The following KLHL29 variants were observed in gnomAD, a reference collection of about 807,000 sequenced individuals.
KLHL29 encodes the protein kelch-like protein 29.
In KLHL29, 21 loss-of-function variants were observed where a neutral mutation model predicts 80.4. The observed-to-expected ratio is 0.26, with a 90% CI of 0.19 to 0.38. KLHL29 has a LOEUF of 0.38. Ranked by LOEUF, KLHL29 falls within the 10% of genes least tolerant of loss-of-function variation. The probability of loss-of-function intolerance (pLI) is 1.00; values close to 1 mark genes in which losing one functional copy is unlikely to be tolerated. For missense variants in KLHL29, 867 were observed against 1,223.9 expected (o/e 0.71, Z 4.35); for synonymous variants, 511 against 526.8 (o/e 0.97, Z 0.41).
intron 2 of KLHL29, among the ~76,000 whole-genome samples, chr2:23,535,598 C>T (rs1398551100): frequency 6.6e-6 from 1 of 152,116 alleles, no homozygotes; most frequent in Non-Finnish European, 1.5e-5. Flanking sequence ...GTCATGGATA[C>T]CTACTACAAC....
At chr2:23,533,957 G>A (rs934371) in intron 2 of KLHL29, among the ~76,000 whole-genome samples, 85,907 of 149,862 alleles carry the variant, frequency 0.57, 24,771 homozygotes, top group Middle Eastern at 0.71. Flanking sequence ...TTAAAGAAAC[G>A]TGTGCGCTAT....
chr2:23,675,175 C>G (rs368913123), intron 5 of KLHL29, among the ~76,000 whole-genome samples: 1 of 152,324 alleles, frequency 6.6e-6, no homozygotes, highest in East Asian at 1.9e-4. Context: ...TTCCCATCAC[C>G]CCTCGGCCTC....
intron 1 of KLHL29, among the ~76,000 whole-genome samples, chr2:23,395,694 G>C (rs1666435503): frequency 6.6e-6 from 1 of 151,590 alleles, no homozygotes; most frequent in South Asian, 2.1e-4. Context: ...GCAGTGAGCT[G>C]AGATCGCAAC....
rs1263508705 is a variant in KLHL29, at chr2:23,562,506, C to T, written c.285+25C>T. 3 of 1,533,458 alleles carry T rather than the reference C, an allele frequency of 2.0e-6. No homozygotes were observed. The highest frequency in any genetic ancestry group is 1.2e-5 in the South Asian group (1 of 83,764). 95.0% of individuals were successfully genotyped at this position (1,533,458 alleles called of 1,614,324 possible). On this transcript the variant is annotated intron_variant, in intron 3 of 13. Coordinates refer to ENST00000486442, the MANE Select transcript of KLHL29 (RefSeq NM_052920.2). This position sits in a 1 kb window ranked among gnomAD's most constrained non-coding sequence, Gnocchi z 4.5. ...GGTAAGATGTGGTGTCATCTCTGAG[C>T]AGGAGCCGGACAGAGGGGCCCTGCC...
intron 2 of KLHL29, among the ~76,000 whole-genome samples, chr2:23,539,457 T>TTTTTTTTTTTG (rs1666773190): frequency 8.3e-6 from 1 of 119,984 alleles, no homozygotes; most frequent in African/African-American, 3.4e-5. Flanking sequence ...TTTTTTTTTT[T>TTTTTTTTTTTG]TGGAGACAGG....
intron 3 of KLHL29, among the ~76,000 whole-genome samples, chr2:23,633,373 C>T (rs1669518594): frequency 6.6e-6 from 1 of 152,160 alleles, no homozygotes; most frequent in Admixed American, 6.5e-5. Context: ...CAAAGAGATG[C>T]ATGTAACACT....
intron 1 of KLHL29, among the ~76,000 whole-genome samples, chr2:23,413,971 CT>C (rs1367040144): frequency 6.6e-6 from 1 of 152,234 alleles, no homozygotes; most frequent in Non-Finnish European, 1.5e-5. Flanking sequence ...GGAAAAGAGG[CT>C]GCTGTTCTCA....
At chr2:23,665,329 A>G (rs1043031464) in intron 5 of KLHL29, among the ~76,000 whole-genome samples, 5 of 152,166 alleles carry the variant, frequency 3.3e-5, no homozygotes, top group African/African-American at 1.2e-4. Context: ...ATGCTTGAAA[A>G]GTTGCTGTCA....
Position 23,447,306 on chromosome 2 carries a change from C to T in KLHL29, c.-153-28254C>T, listed in dbSNP as rs539531649. 5.3e-5 allele frequency among the ~76,000 whole-genome samples: 8 copies of T among 152,294 alleles called. No homozygotes were observed. In the South Asian group the frequency reaches 1.7e-3, roughly 32 times the overall value. ...TCACTTCATGATACTTCTCCCTGGT[C>T]CAGTGCCCATTGAACTTGTGCATGG... On this transcript the variant is annotated intron_variant, in intron 1 of 13. Transcript: ENST00000486442.
At chr2:23,527,735 G>A (rs2103475380) in intron 2 of KLHL29, among the ~76,000 whole-genome samples, 1 of 152,338 alleles carries the variant, frequency 6.6e-6, no homozygotes, top group East Asian at 1.9e-4. Context: ...CAGAGGTGAG[G>A]AAACTGAGGG....
rs779873254 is a variant in KLHL29 at position 23,703,189 on chromosome 2, C to T, written c.2109C>T (p.Tyr703=). 8 of 1,441,796 alleles carry T rather than the reference C, an allele frequency of 5.5e-6. No homozygotes were observed. Among genetic ancestry groups the T allele is most frequent in the South Asian group, 3.0e-5 (2 of 67,128 alleles). The allele number at this position is 1,441,796 out of a possible 1,614,324, so 89.3% of individuals were successfully genotyped here. ...CTCTTTTTCTCCTCTCCTGCAGGTA[C>T]GACACCATCACCAACCAATGGGAGG... ...VAGNVDHVER[Y]DTITNQWEAV... Residue 703 remains tyrosine (Y), a synonymous_variant, in exon 12 of 14, where the codon TAC becomes TAT. Coordinates refer to ENST00000486442, the MANE Select transcript of KLHL29 (RefSeq NM_052920.2).
intron 2 of KLHL29, among the ~76,000 whole-genome samples, chr2:23,498,418 A>G (rs982471326): frequency 2.0e-4 from 30 of 152,322 alleles, no homozygotes; most frequent in African/African-American, 7.2e-4. Context: ...ACAAATCAGA[A>G]CAAACACCCG....
At chr2:23,463,194 T>A (rs1025496993) in intron 1 of KLHL29, among the ~76,000 whole-genome samples, 1 of 151,804 alleles carries the variant, frequency 6.6e-6, no homozygotes, top group Non-Finnish European at 1.5e-5. Context: ...CTGGGAATTC[T>A]ATCCCAAGTT....
At chr2:23,495,637 C>A (rs113220491) in intron 2 of KLHL29, among the ~76,000 whole-genome samples, 2 of 152,192 alleles carry the variant, frequency 1.3e-5, no homozygotes, top group African/African-American at 4.8e-5. Context: ...TGGGGTCAAG[C>A]CTGCACCGTA....
intron 1 of KLHL29, among the ~76,000 whole-genome samples, chr2:23,417,117 C>T (rs1281959420): frequency 6.6e-6 from 1 of 152,164 alleles, no homozygotes; most frequent in African/African-American, 2.4e-5. Flanking sequence ...GCCTTCTTCT[C>T]TTCATTGCCT....
chr2:23,592,347 C>T (rs192858737), intron 3 of KLHL29, among the ~76,000 whole-genome samples: 1 of 152,358 alleles, frequency 6.6e-6, no homozygotes. Context: ...CCACTCTGAC[C>T]CTAAGACCCA....
intron 5 of KLHL29, among the ~76,000 whole-genome samples, chr2:23,661,222 GT>G (rs963329901): frequency 4.0e-5 from 6 of 151,714 alleles, no homozygotes; most frequent in African/African-American, 1.5e-4. Flanking sequence ...TGCACTTGTA[GT>G]CCCAGCTATT....
intron 5 of KLHL29, among the ~76,000 whole-genome samples, chr2:23,653,148 T>C (rs959025021): frequency 1.3e-5 from 2 of 152,238 alleles, no homozygotes; most frequent in East Asian, 1.9e-4. Context: ...TTTACCACCA[T>C]AGTGAATGTC....
intron 3 of KLHL29, chr2:23,617,803 A>G (rs1266099794): frequency 6.6e-6 from 1 of 152,104 alleles, no homozygotes; most frequent in Non-Finnish European, 1.5e-5. Context: ...AGATGTTTTG[A>G]ATCTATTTTT....
Sources: gnomAD v4.1 joint callset for allele counts (sites outside exome capture counted in the v4.1 genomes callset) on GRCh38, gnomAD v4.1.1 for gene constraint, Gnocchi (gnomAD v3.1) non-coding constraint, MANE v1.5 for transcripts, NCBI Gene and HGNC (gene_info 2026-07-23, HGNC 2026-07-21) for gene names.